RNF150: variants seen among roughly 807,000 people sequenced by gnomAD.
RNF150 encodes ring finger protein 150.
In RNF150, 24 loss-of-function variants were observed where a neutral mutation model predicts 39.3. The ratio of observed to expected loss-of-function variants is 0.61; its 90% CI spans 0.44 to 0.86. The LOEUF (loss-of-function observed/expected upper bound fraction) is 0.86, where lower values mean the gene tolerates loss of function less well. Among genes scored for constraint, RNF150 ranks in the 40% least tolerant of loss-of-function variants. The pLI, the probability that RNF150 is intolerant of heterozygous loss-of-function variation, is 0.00. For synonymous variants in RNF150, 255 were observed against 227.3 expected (o/e 1.12, Z -1.10); for missense variants, 502 against 587.8 (o/e 0.85, Z 1.51).
In RNF150 at chr4:140,911,256, C is replaced by T; in HGVS notation, c.1086G>A (p.Val362=). 1.9e-6 allele frequency: 3 copies of T among 1,614,146 alleles called. No individual in the cohort carries two copies. Among genetic ancestry groups the T allele is most frequent in the South Asian group, 1.1e-5 (1 of 91,070 alleles). ...NQITGASDTT[V]NESSVTLDPA... ...GGTCCAAAGTGACTGAACTTTCATT[C>T]ACTGTTGTGTCGCTGGCACCTGTGA... Residue 362 remains valine (V), a synonymous_variant, in exon 6 of 7, where the codon GTG becomes GTA. Transcript: ENST00000515673.
At chr4:140,871,328 C>T (rs2111183945) in intron 6 of RNF150, among the ~76,000 whole-genome samples, 1 of 151,766 alleles carries the variant, frequency 6.6e-6, no homozygotes, top group East Asian at 1.9e-4. Flanking sequence ...GCCTTTTTTA[C>T]AATTCTTCAA....
intron 1 of RNF150, among the ~76,000 whole-genome samples, chr4:141,013,611 G>A (rs1271991247): frequency 6.6e-6 from 1 of 152,114 alleles, no homozygotes; most frequent in Non-Finnish European, 1.5e-5. Flanking sequence ...AGTCTCTGAG[G>A]AAGTTTTTGT....
intron 1 of RNF150, among the ~76,000 whole-genome samples, chr4:141,190,332 G>A (rs1317205835): frequency 6.6e-6 from 1 of 152,118 alleles, no homozygotes; most frequent in African/African-American, 2.4e-5. Flanking sequence ...AGATTATCTG[G>A]GTGAGTCTGA....
intron 1 of RNF150, among the ~76,000 whole-genome samples, chr4:141,033,774 G>C (rs1446271243): frequency 2.0e-5 from 3 of 152,160 alleles, no homozygotes; most frequent in African/African-American, 4.8e-5. Flanking sequence ...TTGTCAATGA[G>C]CAATCATATT....
At chr4:140,920,885 T>C (rs909574340) in intron 5 of RNF150, among the ~76,000 whole-genome samples, 5 of 151,732 alleles carry the variant, frequency 3.3e-5, no homozygotes, top group African/African-American at 4.8e-5. Context: ...ATGTCCTTTA[T>C]AGGGACATGG....
chr4:141,138,940 C>T (rs989794766), intron 1 of RNF150, among the ~76,000 whole-genome samples: 36 of 152,136 alleles, frequency 2.4e-4, no homozygotes, highest in African/African-American at 8.7e-4. Flanking sequence ...GGTGTGGTGA[C>T]TCAAGTCTGT....
chr4:141,192,106 C>T (rs577875107), intron 1 of RNF150, among the ~76,000 whole-genome samples: 1 of 152,276 alleles, frequency 6.6e-6, no homozygotes, highest in South Asian at 2.1e-4. Context: ...ATCCTAAGTG[C>T]TTGTTTCTTG....
chr4:141,182,013 C>T (rs953019946), intron 1 of RNF150, among the ~76,000 whole-genome samples: 2 of 152,076 alleles, frequency 1.3e-5, no homozygotes, highest in African/African-American at 4.8e-5. Context: ...TTGATTTTCC[C>T]AGGATTTAGA....
chr4:140,990,761 T>C (rs538267370), intron 1 of RNF150, among the ~76,000 whole-genome samples: 1 of 152,306 alleles, frequency 6.6e-6, no homozygotes, highest in African/African-American at 2.4e-5. Flanking sequence ...GTTAATTCCA[T>C]GTCTTTGCTA....
At chr4:141,207,974 GC>G (rs147098508) in intron 1 of RNF150, among the ~76,000 whole-genome samples, 1 of 151,660 alleles carries the variant, frequency 6.6e-6, no homozygotes, top group Non-Finnish European at 1.5e-5. Flanking sequence ...ACAAAAAAAA[GC>G]GTTGAGGAAA....
At chr4:140,982,892 G>C (rs988184499) in intron 1 of RNF150, among the ~76,000 whole-genome samples, 1 of 152,078 alleles carries the variant, frequency 6.6e-6, no homozygotes, top group East Asian at 1.9e-4. Context: ...TGTGTTTCTG[G>C]GGCAATAAGG....
chr4:141,176,617 A>G (rs1727818878), intron 1 of RNF150, among the ~76,000 whole-genome samples: 1 of 152,222 alleles, frequency 6.6e-6, no homozygotes, highest in Non-Finnish European at 1.5e-5. Flanking sequence ...AATCTAATTT[A>G]TAAATACTTC....
At chr4:141,053,104 C>T (rs12643202) in intron 1 of RNF150, among the ~76,000 whole-genome samples, 5,100 of 152,208 alleles carry the variant, frequency 0.034, 214 homozygotes, top group East Asian at 0.22. Flanking sequence ...GCTAGTCACA[C>T]GGTAAGTGCT....
intron 1 of RNF150, among the ~76,000 whole-genome samples, chr4:141,140,062 A>G (rs915782358): frequency 1.3e-5 from 2 of 152,184 alleles, no homozygotes; most frequent in Non-Finnish European, 2.9e-5. Flanking sequence ...GAGGCCAGGT[A>G]CTTGCTGTAC....
At chr4:141,173,156 T>C (rs935637092) in intron 1 of RNF150, among the ~76,000 whole-genome samples, 5 of 152,244 alleles carry the variant, frequency 3.3e-5, no homozygotes, top group South Asian at 2.1e-4. Flanking sequence ...ATTTCATTTG[T>C]ATTAGACATC....
rs192334548 is a variant in RNF150 at position 140,981,288 on chromosome 4, C to T, written c.485-13415G>A. On this transcript the variant is annotated intron_variant, in intron 1 of 6. Coordinates refer to ENST00000515673, the MANE Select transcript of RNF150 (RefSeq NM_020724.2). ...AAAGATTTGCATATACATAATGAGA[C>T]ATCTTGGCGATAGAACCCAAGTATA... 7.9e-5 allele frequency among the ~76,000 whole-genome samples: 12 copies of T among 152,236 alleles called. No homozygotes were observed. The East Asian group carries it at 2.3e-3, about 29-fold the overall frequency.
intron 1 of RNF150, among the ~76,000 whole-genome samples, chr4:141,026,524 G>C (rs1428867059): frequency 6.6e-6 from 1 of 152,166 alleles, no homozygotes; most frequent in Non-Finnish European, 1.5e-5. Context: ...AGGAATTTAG[G>C]TGGGGTGTGC....
At chr4:140,916,879 G>A (rs1349946767) in intron 5 of RNF150, among the ~76,000 whole-genome samples, 3 of 152,202 alleles carry the variant, frequency 2.0e-5, no homozygotes, top group Non-Finnish European at 4.4e-5. Flanking sequence ...GAGAGTGGGA[G>A]CCAATATTCA....
chr4:140,940,533 G>C (rs1732040596), intron 4 of RNF150, among the ~76,000 whole-genome samples: 1 of 152,106 alleles, frequency 6.6e-6, no homozygotes, highest in Non-Finnish European at 1.5e-5. Context: ...GTTTATTCTA[G>C]AAAATGAAGT....
Sources: gnomAD v4.1 joint callset for allele counts (sites outside exome capture counted in the v4.1 genomes callset) on GRCh38, gnomAD v4.1.1 for gene constraint, MANE v1.5 for transcripts, NCBI Gene and HGNC (gene_info 2026-07-23, HGNC 2026-07-21) for gene names.